The following SLC35E1 variants were observed in gnomAD, a reference collection of about 807,000 sequenced individuals.
The protein encoded by SLC35E1 is solute carrier family 35, member E1.
A neutral mutation model predicts 31.0 loss-of-function variants in SLC35E1; 12 were observed. The observed-to-expected ratio is 0.39, with a 90% CI of 0.25 to 0.63. The LOEUF is 0.63. SLC35E1 is among the 20% of genes least tolerant of loss of function. The pLI, the probability that SLC35E1 is intolerant of heterozygous loss-of-function variation, is 0.52. For synonymous variants in SLC35E1, 257 were observed against 264.1 expected, an observed-to-expected ratio of 0.97 and a Z score of 0.26; for missense variants, 429 against 572.2, an observed-to-expected ratio of 0.75 and a Z score of 2.55.
Position 16,552,946 on chromosome 19 carries a change from G to A in SLC35E1, c.*733C>T, listed in dbSNP as rs2085853098. Reference sequence around the variant, plus strand: ...CCCTGCTCTGGTGAGGGAAGAGGAGGCAAAGGAGAAGAGAGAAGTTTCCCT... The same window carrying A: ...CCCTGCTCTGGTGAGGGAAGAGGAGACAAAGGAGAAGAGAGAAGTTTCCCT... On this transcript the variant is annotated 3_prime_UTR_variant, in exon 6 of 6. Transcript: ENST00000595753. The A allele has an allele frequency of 6.6e-6, 1 of 152,260 alleles. No individual in the cohort carries two copies. Among genetic ancestry groups the A allele is most frequent in the African/African-American group, 2.4e-5 (1 of 41,460 alleles). The allele number at this position is 152,260 out of a possible 1,614,324, so 9.4% of individuals were successfully genotyped here.
chr19:16,565,683 A>G (rs2085928363), intron 4 of SLC35E1: 1 of 150,982 alleles, frequency 6.6e-6, no homozygotes, highest in Non-Finnish European at 1.5e-5. Context: ...ATGCCTGGCT[A>G]ATTTTTGTAT....
chr19:16,562,023 GA>G (rs1029946186), intron 4 of SLC35E1, among the ~76,000 whole-genome samples: 4 of 150,038 alleles, frequency 2.7e-5, no homozygotes, highest in African/African-American at 9.8e-5. Flanking sequence ...CAGTCTCTAC[GA>G]AAAAAAAGAA....
At position 16,551,148 on chromosome 19, in the gene SLC35E1, G is replaced by C. The variant is rs1377728346; in HGVS notation, c.*2531C>G. The C allele has an allele frequency of 6.6e-6, 1 of 152,174 alleles. No homozygotes were observed. Among genetic ancestry groups the C allele is most frequent in the East Asian group, 1.9e-4 (1 of 5,196 alleles). 9.4% of individuals were successfully genotyped at this position (152,174 alleles called of 1,614,324 possible). A position where few individuals can be genotyped will look rare whatever the true frequency, so the allele number is the denominator to read the frequency against. On this transcript the variant is annotated 3_prime_UTR_variant, in exon 6 of 6. Coordinates refer to ENST00000595753, the MANE Select transcript of SLC35E1 (RefSeq NM_024881.5). ...GTGAGAAAAATCCAACTGCAGACTT[G>C]ACTGCCTTCGGTGAAGGCACACGGC... is the stretch of plus-strand genomic sequence containing the variant.
chr19:16,570,861 C>G (rs545068070), intron 2 of SLC35E1, among the ~76,000 whole-genome samples: 1 of 152,268 alleles, frequency 6.6e-6, no homozygotes, highest in East Asian at 1.9e-4. Flanking sequence ...CTTTGGGAGG[C>G]TGAGGCGGAC....
chr19:16,551,088 A>T lies in SLC35E1; in HGVS notation c.*2591T>A, dbSNP rs752230000. On this transcript the variant is annotated 3_prime_UTR_variant, in exon 6 of 6. Coordinates refer to ENST00000595753, the MANE Select transcript of SLC35E1 (RefSeq NM_024881.5). ...TAGACAACTCCCGTAATATCTCCGC[A>T]GTGCAAAATTATCCCTGTTTCTTGT... 4.6e-5 allele frequency: 7 copies of T among 152,192 alleles called. No homozygotes were observed. Among genetic ancestry groups the T allele is most frequent in the Non-Finnish European group, 8.8e-5 (6 of 68,036 alleles). The allele number at this position is 152,192 out of a possible 1,614,324, so 9.4% of individuals were successfully genotyped here.
In SLC35E1 at chr19:16,555,816, G is replaced by A. The variant is rs977212769; in HGVS notation, c.757-419C>T. The A allele has an allele frequency of 4.6e-6, 1 of 219,682 alleles. No individual in the cohort carries two copies. The highest frequency in any genetic ancestry group is 9.1e-6 in the Non-Finnish European group (1 of 110,232). The allele number at this position is 219,682 out of a possible 1,614,324, so 13.6% of individuals were successfully genotyped here. The stretch of plus-strand genomic sequence containing the variant: ...GAGCCTGCGAAGTACCTGGTAATAC[G>A]AAAGCCACGGGTCTGCACCTATTGC... On this transcript the variant is annotated intron_variant, in intron 4 of 5. Coordinates refer to ENST00000595753, the MANE Select transcript of SLC35E1 (RefSeq NM_024881.5). This position sits in a 1 kb window ranked among gnomAD's most constrained non-coding sequence, Gnocchi z 4.1.
At position 16,555,105 on chromosome 19, in the gene SLC35E1, T is replaced by G; in HGVS notation, c.1002+47A>C. 1 of 1,609,404 alleles carries G rather than the reference T, an allele frequency of 6.2e-7. No individual in the cohort carries two copies. Among genetic ancestry groups the G allele is most frequent in the Non-Finnish European group, 8.5e-7 (1 of 1,177,472 alleles). On this transcript the variant is annotated intron_variant, in intron 5 of 5. Coordinates refer to ENST00000595753, the MANE Select transcript of SLC35E1 (RefSeq NM_024881.5). This position sits in a 1 kb window ranked among gnomAD's most constrained non-coding sequence, Gnocchi z 4.1. The stretch of plus-strand genomic sequence containing the variant: ...GCCCTTCCTTTTCTGACTTCCTGGG[T>G]GTTGGGGGGCCGGCTTCCTTCCCTG...
At chr19:16,564,613 G>A (rs1201218660) in intron 4 of SLC35E1, among the ~76,000 whole-genome samples, 2 of 152,028 alleles carry the variant, frequency 1.3e-5, no homozygotes, top group Non-Finnish European at 2.9e-5. Context: ...GCCAAGACAG[G>A]ACAATTTGAC....
rs1254945337 is a variant in SLC35E1, at chr19:16,556,431, C to T, written c.757-1034G>A. Among the ~76,000 whole-genome samples, 3 of 152,192 alleles carry T rather than the reference C, an allele frequency of 2.0e-5. No homozygotes were observed. In the South Asian group the frequency reaches 6.2e-4, roughly 32 times the overall value. ...GGCTGAGGTGGGAGGATCGCTTGAG[C>T]CTAGGAGTTCAAGGCTACAGTGAGC... On this transcript the variant is annotated intron_variant, in intron 4 of 5. Coordinates refer to ENST00000595753, the MANE Select transcript of SLC35E1 (RefSeq NM_024881.5).
At chr19:16,564,781 A>G (rs1407081380) in intron 4 of SLC35E1, among the ~76,000 whole-genome samples, 2 of 152,216 alleles carry the variant, frequency 1.3e-5, no homozygotes, top group Non-Finnish European at 2.9e-5. Context: ...TTAGTCATCA[A>G]AAGGAACAGT....
At chr19:16,559,097 C>A (rs1324091745) in intron 4 of SLC35E1, among the ~76,000 whole-genome samples, 1 of 152,064 alleles carries the variant, frequency 6.6e-6, no homozygotes, top group Non-Finnish European at 1.5e-5. Context: ...TTACTATCTT[C>A]CATTTAAAAA....
At chr19:16,559,818 T>C (rs1346346198) in intron 4 of SLC35E1, among the ~76,000 whole-genome samples, 3 of 152,192 alleles carry the variant, frequency 2.0e-5, no homozygotes, top group Non-Finnish European at 4.4e-5. Context: ...CCCTTGTTGA[T>C]TGTCTTTTCC....
intron 4 of SLC35E1, chr19:16,564,293 A>C (rs542717139): frequency 6.6e-6 from 1 of 152,524 alleles, no homozygotes; most frequent in South Asian, 2.1e-4. Flanking sequence ...AATGGCTAAG[A>C]CAGGACAATT....
Position 16,551,367 on chromosome 19 carries a change from C to T in SLC35E1, c.*2312G>A, listed in dbSNP as rs553473573. 13 of 152,248 alleles carry T rather than the reference C, an allele frequency of 8.5e-5. No homozygotes were observed. The South Asian group carries it at 2.7e-3, about 32-fold the overall frequency. 9.4% of individuals were successfully genotyped at this position (152,248 alleles called of 1,614,324 possible). On this transcript the variant is annotated 3_prime_UTR_variant, in exon 6 of 6. Transcript: ENST00000595753. ...GCCAGTCACCTCTTCAGGAGTGTCC[C>T]ATGTGTCAGCTGACATAACATCTTA...
rs987091487 is a variant in SLC35E1, at chr19:16,569,431, G to C, written c.493-1262C>G. Among the ~76,000 whole-genome samples the C allele has an allele frequency of 3.3e-5, 5 of 152,182 alleles. No individual in the cohort carries two copies. In the East Asian group the frequency reaches 9.6e-4, roughly 29 times the overall value. On this transcript the variant is annotated intron_variant, in intron 2 of 5. Transcript: ENST00000595753. ...CCTAGCACTCAGTAGGCACTCAATA[G>C]CTGCTAGCTGAATGAACGAGTAGCA...
rs1408146172 is a variant in SLC35E1, at chr19:16,555,199, C to T, written c.955G>A (p.Val319Ile). The T allele has an allele frequency of 5.6e-6, 9 of 1,614,044 alleles. No individual in the cohort carries two copies. The highest frequency in any genetic ancestry group is 2.7e-5 in the African/African-American group (2 of 74,918). The part of the protein sequence containing the change: ...MLRNPVTSTN[V>I]LGMMTAILGV... ...AGGATGGCGGTCATCATGCCCAGGA[C>T]GTTGGTGCTGGTGACTGGGTTGCGC... The change falls in exon 5 of 6, where the codon GTC (valine) becomes ATC (isoleucine). Residue 319 changes from valine to isoleucine, a missense_variant. Val to Ile is a conservative substitution (Grantham distance 29, BLOSUM62 3). Coordinates refer to ENST00000595753, the MANE Select transcript of SLC35E1 (RefSeq NM_024881.5). This position sits in a 1 kb window ranked among gnomAD's most constrained non-coding sequence, Gnocchi z 4.1.
intron 4 of SLC35E1, among the ~76,000 whole-genome samples, chr19:16,561,653 G>GGTAGACTGGA (rs1157820581): frequency 6.6e-6 from 1 of 152,190 alleles, no homozygotes; most frequent in Non-Finnish European, 1.5e-5. Context: ...TTTGATTCTT[G>GGTAGACTGGA]GTAGACTGGA....
intron 4 of SLC35E1, among the ~76,000 whole-genome samples, chr19:16,560,843 C>CAGAGTGAG (rs1303435496): frequency 2.7e-5 from 3 of 110,186 alleles, no homozygotes; most frequent in Admixed American, 2.8e-4. Context: ...GTCTGGGTGA[C>CAGAGTGAG]AGAGTGAGAC....
At chr19:16,567,009 C>A (rs2085935696) in intron 3 of SLC35E1, among the ~76,000 whole-genome samples, 1 of 152,218 alleles carries the variant, frequency 6.6e-6, no homozygotes, top group Admixed American at 6.5e-5. Flanking sequence ...ACGTTTCATA[C>A]CCTCTAACCT....
Sources: allele counts gnomAD v4.1 joint callset (sites outside exome capture counted in the v4.1 genomes callset), GRCh38; gene constraint gnomAD v4.1.1; non-coding constraint Gnocchi (gnomAD v3.1); transcripts MANE v1.5; gene names NCBI Gene and HGNC (gene_info 2026-07-23, HGNC 2026-07-21).